The following CORIN variants were observed in gnomAD, a reference collection of about 807,000 sequenced individuals.
CORIN encodes the protein atrial natriuretic peptide-converting enzyme.
CORIN carries 117 observed loss-of-function variants against 125.3 expected under a neutral mutation model. The observed-to-expected ratio is 0.93, with a 90% CI of 0.80 to 1.09. The LOEUF is 1.09. Ranked by LOEUF, CORIN falls within the 50% of genes least tolerant of loss-of-function variation. The probability of loss-of-function intolerance (pLI) is 0.00; values close to 1 mark genes in which losing one functional copy is unlikely to be tolerated. For synonymous variants in CORIN, 450 were observed against 466.4 expected (o/e 0.96, Z 0.45); for missense variants, 1,253 against 1,306.7 (o/e 0.96, Z 0.63).
At chr4:47,815,770 T>C (rs1732239429) in intron 1 of CORIN, among the ~76,000 whole-genome samples, 1 of 152,192 alleles carries the variant, frequency 6.6e-6, no homozygotes, top group Non-Finnish European at 1.5e-5. Context: ...GGGTTATCCA[T>C]TTCTTGGGAA....
At chr4:47,659,454 A>G (rs183824554) in intron 12 of CORIN, among the ~76,000 whole-genome samples, 2 of 152,360 alleles carry the variant, frequency 1.3e-5, no homozygotes, top group East Asian at 1.9e-4. Flanking sequence ...CAGCCTTTAC[A>G]GGAACCATGG....
intron 5 of CORIN, among the ~76,000 whole-genome samples, chr4:47,712,470 A>T (rs1726893432): frequency 6.6e-6 from 1 of 152,096 alleles, no homozygotes; most frequent in South Asian, 2.1e-4. Flanking sequence ...TTTTGTAGAG[A>T]CAGGGTTTCC....
intron 3 of CORIN, among the ~76,000 whole-genome samples, chr4:47,766,905 T>TCA (rs1729778290): frequency 7.1e-6 from 1 of 141,688 alleles, no homozygotes; most frequent in Admixed American, 7.4e-5. Flanking sequence ...TGAGATCATG[T>TCA]CACTGCACTC....
At chr4:47,642,464 T>C (rs1249353414) in intron 15 of CORIN, among the ~76,000 whole-genome samples, 1 of 152,226 alleles carries the variant, frequency 6.6e-6, no homozygotes. Context: ...TTAGGATTAA[T>C]TTGGTATATG....
chr4:47,633,359 A>G (rs1378543766), intron 16 of CORIN, among the ~76,000 whole-genome samples: 5 of 152,218 alleles, frequency 3.3e-5, no homozygotes, highest in African/African-American at 1.2e-4. Flanking sequence ...ATACATTATC[A>G]TTCTAATATA....
At chr4:47,764,671 A>G (rs918104770) in intron 3 of CORIN, among the ~76,000 whole-genome samples, 4 of 152,282 alleles carry the variant, frequency 2.6e-5, no homozygotes, top group Middle Eastern at 3.4e-3. Flanking sequence ...TCTGAAACCT[A>G]TGTCTTCTGA....
chr4:47,816,461 A>G (rs190037888), intron 1 of CORIN, among the ~76,000 whole-genome samples: 4 of 152,318 alleles, frequency 2.6e-5, no homozygotes, highest in African/African-American at 9.6e-5. Flanking sequence ...TCTGTGTTAT[A>G]GGGCTATAAA....
chr4:47,751,066 T>G (rs2109848390), intron 4 of CORIN, among the ~76,000 whole-genome samples: 1 of 152,320 alleles, frequency 6.6e-6, no homozygotes, highest in Non-Finnish European at 1.5e-5. Flanking sequence ...TTGGTTTGTT[T>G]TTTCTTCCTC....
intron 7 of CORIN, chr4:47,681,702 A>G (rs140557276): frequency 1.3e-4 from 20 of 152,302 alleles, no homozygotes; most frequent in African/African-American, 4.8e-4. Flanking sequence ...TCTAAATGTA[A>G]ATTAGTATAG....
intron 13 of CORIN, among the ~76,000 whole-genome samples, chr4:47,646,553 T>C (rs1178205220): frequency 6.6e-6 from 1 of 152,220 alleles, no homozygotes; most frequent in African/African-American, 2.4e-5. Flanking sequence ...GAGTCTAATA[T>C]GTTTATGTCA....
chr4:47,757,466 C>T (rs866492392), intron 4 of CORIN, among the ~76,000 whole-genome samples: 9 of 151,798 alleles, frequency 5.9e-5, no homozygotes, highest in East Asian at 1.9e-4. Context: ...CGGTGGTGGG[C>T]GCCTGTAATC....
At chr4:47,597,017 T>A (rs1721279695) in intron 21 of CORIN, among the ~76,000 whole-genome samples, 1 of 152,164 alleles carries the variant, frequency 6.6e-6, no homozygotes, top group African/African-American at 2.4e-5. Context: ...ACTACTAGGC[T>A]ACCCTGCTTC....
chr4:47,800,304 A>G (rs1489378675), intron 2 of CORIN, among the ~76,000 whole-genome samples: 3 of 152,070 alleles, frequency 2.0e-5, no homozygotes, highest in Non-Finnish European at 4.4e-5. Context: ...ATTAATAAGA[A>G]TAACCCACTT....
intron 1 of CORIN, among the ~76,000 whole-genome samples, chr4:47,813,747 A>G (rs1732152726): frequency 6.6e-6 from 1 of 152,188 alleles, no homozygotes; most frequent in African/African-American, 2.4e-5. Flanking sequence ...AACTATGTAG[A>G]CTTAGTTAAT....
chr4:47,632,756 TA>T (rs141563080), intron 16 of CORIN, among the ~76,000 whole-genome samples: 40 of 101,168 alleles, frequency 4.0e-4, no homozygotes, highest in African/African-American at 1.3e-3. Flanking sequence ...GATAGATAGA[TA>T]GATAGATAGA....
At chr4:47,824,886 C>T (rs938625324) in intron 1 of CORIN, among the ~76,000 whole-genome samples, 3 of 152,184 alleles carry the variant, frequency 2.0e-5, no homozygotes, top group Non-Finnish European at 4.4e-5. Flanking sequence ...AAAGATCCCT[C>T]CCCACTCTGC....
chr4:47,694,572 G>T (rs1165126528), intron 5 of CORIN, among the ~76,000 whole-genome samples: 1 of 152,072 alleles, frequency 6.6e-6, no homozygotes. Flanking sequence ...GAACCTTGTT[G>T]ACTAGTTACA....
intron 19 of CORIN, among the ~76,000 whole-genome samples, chr4:47,608,095 C>T (rs1190471319): frequency 1.3e-5 from 2 of 152,040 alleles, no homozygotes; most frequent in Non-Finnish European, 2.9e-5. Context: ...CTGAGGCAGG[C>T]GACTCACCTG....
chr4:47,780,221 A>T (rs1453776277), intron 3 of CORIN, among the ~76,000 whole-genome samples: 2 of 152,034 alleles, frequency 1.3e-5, no homozygotes, highest in Non-Finnish European at 2.9e-5. Flanking sequence ...TGTGAATATT[A>T]TCCTGTGTAC....
Sources: gnomAD v4.1 joint callset for allele counts (sites outside exome capture counted in the v4.1 genomes callset) on GRCh38, gnomAD v4.1.1 for gene constraint, MANE v1.5 for transcripts, NCBI Gene and HGNC (gene_info 2026-07-23, HGNC 2026-07-21) for gene names.